OR1J2: variants seen among roughly 807,000 people sequenced by gnomAD.
OR1J2 encodes the protein olfactory receptor 1J2.
For missense variants in OR1J2, 304 were observed against 246.1 expected (o/e 1.24, Z -1.57); for synonymous variants, 142 against 99.7 (o/e 1.42, Z -2.52).
At chr9:122,535,233 G>C in the OR1J2 span, among the ~76,000 whole-genome samples, 2 of 152,068 alleles carry the variant, frequency 1.3e-5, no homozygotes, top group African/African-American at 4.8e-5. Flanking sequence ...GGAAATAAGG[G>C]ATCGGGGTGC....
chr9:122,545,845 A>G, the OR1J2 span, among the ~76,000 whole-genome samples: 2 of 152,122 alleles, frequency 1.3e-5, no homozygotes, highest in Non-Finnish European at 2.9e-5. Flanking sequence ...AATTATCTAA[A>G]TACCTATGAA....
At chr9:122,493,018 C>T in the OR1J2 span, among the ~76,000 whole-genome samples, 3 of 152,026 alleles carry the variant, frequency 2.0e-5, no homozygotes, top group Admixed American at 6.6e-5. Flanking sequence ...TATTGACTTA[C>T]GTATGTTAAA....
At chr9:122,489,841 A>G in the OR1J2 span, among the ~76,000 whole-genome samples, 1 of 152,194 alleles carries the variant, frequency 6.6e-6, no homozygotes, top group African/African-American at 2.4e-5. Context: ...GGCACAGTTG[A>G]TAGATTACAG....
At chr9:122,556,388 C>G in the OR1J2 span, among the ~76,000 whole-genome samples, 3 of 151,736 alleles carry the variant, frequency 2.0e-5, no homozygotes, top group Non-Finnish European at 4.4e-5. Context: ...TCAGTTGACT[C>G]TACTTATGTG....
Position 122,511,634 on chromosome 9 carries a change from A to G in OR1J2, c.833A>G (p.Tyr278Cys). ...AAGGATGTCATTGTGGCTCTCATGT[A>G]CACGGTGGTCACACCCATGTTGAAC... ...IDKDVIVALM[Y>C]TVVTPMLNPF... The change falls in exon 1 of 1, where the codon TAC becomes TGC. Residue 278 changes from tyrosine (Y) to cysteine (C), a missense_variant. By Grantham distance (194) the Tyr-to-Cys change is radical. Coordinates refer to ENST00000335302, the MANE Select transcript of OR1J2 (RefSeq NM_054107.1). The G allele has an allele frequency of 1.3e-6, 1 of 781,092 alleles. No individual in the cohort carries two copies. The highest frequency in any genetic ancestry group is 1.3e-5 in the South Asian group (1 of 74,622). The allele number at this position is 781,092 out of a possible 1,614,324, so 48.4% of individuals were successfully genotyped here.
chr9:122,485,360 C>G, the OR1J2 span, among the ~76,000 whole-genome samples: 1 of 152,190 alleles, frequency 6.6e-6, no homozygotes, highest in Non-Finnish European at 1.5e-5. Flanking sequence ...CGCACAGACT[C>G]CAGCACTTTG....
the OR1J2 span, among the ~76,000 whole-genome samples, chr9:122,471,957 C>G: frequency 6.6e-6 from 1 of 152,190 alleles, no homozygotes; most frequent in African/African-American, 2.4e-5. Flanking sequence ...ACTTAAGCCA[C>G]TGGGCTACAT....
At chr9:122,481,029 T>C in the OR1J2 span, among the ~76,000 whole-genome samples, 1 of 152,028 alleles carries the variant, frequency 6.6e-6, no homozygotes, top group Non-Finnish European at 1.5e-5. Context: ...CTCTTGACCT[T>C]GTGATCTGCC....
the OR1J2 span, chr9:122,568,009 A>C: frequency 6.2e-7 from 1 of 1,613,938 alleles, no homozygotes. Context: ...TGCAGGAGTG[A>C]GTGGAGGTGA....
chr9:122,474,718 G>T, the OR1J2 span, among the ~76,000 whole-genome samples: 1 of 152,278 alleles, frequency 6.6e-6, no homozygotes, highest in South Asian at 2.1e-4. Context: ...CATCTGCTTT[G>T]TACAGCTTGC....
chr9:122,489,748 A>G, the OR1J2 span, among the ~76,000 whole-genome samples: 1 of 152,200 alleles, frequency 6.6e-6, no homozygotes, highest in Non-Finnish European at 1.5e-5. Flanking sequence ...TTGAGTTCAA[A>G]TTTAATATTT....
the OR1J2 span, among the ~76,000 whole-genome samples, chr9:122,536,619 A>T: frequency 6.6e-6 from 1 of 152,132 alleles, no homozygotes; most frequent in East Asian, 1.9e-4. Context: ...GAGAACTGAC[A>T]ATTGTAATTT....
At chr9:122,471,202 T>C in the OR1J2 span, among the ~76,000 whole-genome samples, 1 of 152,192 alleles carries the variant, frequency 6.6e-6, no homozygotes, top group Non-Finnish European at 1.5e-5. Flanking sequence ...AATTCCCATG[T>C]GTTGTGAGAG....
At chr9:122,489,866 C>T in the OR1J2 span, among the ~76,000 whole-genome samples, 3 of 152,216 alleles carry the variant, frequency 2.0e-5, no homozygotes, top group South Asian at 6.2e-4. Context: ...ATGGTAAGCA[C>T]AGGAGAATTA....
the OR1J2 span, among the ~76,000 whole-genome samples, chr9:122,504,017 G>A: frequency 6.6e-6 from 1 of 152,158 alleles, no homozygotes; most frequent in Admixed American, 6.6e-5. Flanking sequence ...CATAGGTAAG[G>A]GCTGAGGGAC....
At chr9:122,579,906 C>T in the OR1J2 span, among the ~76,000 whole-genome samples, 10 of 152,138 alleles carry the variant, frequency 6.6e-5, no homozygotes, top group South Asian at 4.2e-4. Flanking sequence ...TAAACTTAAG[C>T]GCAATAATAA....
At chr9:122,480,513 A>G in the OR1J2 span, among the ~76,000 whole-genome samples, 1 of 149,520 alleles carries the variant, frequency 6.7e-6, no homozygotes, top group Non-Finnish European at 1.5e-5. Context: ...AACTTGTGTC[A>G]TGGGGGTTTG....
chr9:122,477,971 A>AG, the OR1J2 span: 6 of 1,366,772 alleles, frequency 4.4e-6, no homozygotes, highest in Non-Finnish European at 6.1e-6. Context: ...AAGGAAAAAA[A>AG]TGGTATGTCT....
At chr9:122,492,096 C>A in the OR1J2 span, among the ~76,000 whole-genome samples, 1 of 151,986 alleles carries the variant, frequency 6.6e-6, no homozygotes, top group Non-Finnish European at 1.5e-5. Context: ...TATGAATTAT[C>A]CCATCACCCA....
Sources: allele counts gnomAD v4.1 joint callset (sites outside exome capture counted in the v4.1 genomes callset), GRCh38; gene constraint gnomAD v4.1.1; transcripts MANE v1.5; gene names NCBI Gene and HGNC (gene_info 2026-07-23, HGNC 2026-07-21).